Variants in EPB41 observed in about 807,000 individuals in gnomAD.
The protein encoded by EPB41 is erythrocyte membrane protein band 4.1.
A neutral mutation model predicts 108.0 loss-of-function variants in EPB41; 65 were observed. The ratio of observed to expected loss-of-function variants is 0.60; its 90% CI spans 0.49 to 0.74. EPB41 has a LOEUF of 0.74. EPB41 is among the 30% of genes least tolerant of loss of function. The probability of loss-of-function intolerance (pLI) is 0.00; values close to 1 mark genes in which losing one functional copy is unlikely to be tolerated. For missense variants in EPB41, 875 were observed against 1,037.0 expected, an observed-to-expected ratio of 0.84 and a Z score of 2.15; for synonymous variants, 336 against 358.9, an observed-to-expected ratio of 0.94 and a Z score of 0.72.
At chr1:28,915,975 C>T (rs912960087) in intron 1 of EPB41, among the ~76,000 whole-genome samples, 1 of 152,036 alleles carries the variant, frequency 6.6e-6, no homozygotes, top group African/African-American at 2.4e-5. Context: ...GGATATATAG[C>T]CCGTATATGT....
intron 1 of EPB41, among the ~76,000 whole-genome samples, chr1:28,906,381 G>A (rs965418653): frequency 3.9e-5 from 6 of 152,220 alleles, no homozygotes; most frequent in Admixed American, 6.5e-5. Context: ...CAGCTAGTAG[G>A]TGGCACAGAG....
upstream of EPB41, chr1:28,911,098 C>T (rs2092233417): frequency 1.0e-6 from 1 of 985,318 alleles, no homozygotes; most frequent in African/African-American, 1.7e-5. Context: ...GGCAGATGGG[C>T]CCAGGAGTAA....
At chr1:28,947,458 T>A (rs2094530655) in intron 1 of EPB41, among the ~76,000 whole-genome samples, 1 of 151,664 alleles carries the variant, frequency 6.6e-6, no homozygotes, top group Non-Finnish European at 1.5e-5. Context: ...AACGGCCTTT[T>A]AATCTCTTGA....
intron 2 of EPB41, among the ~76,000 whole-genome samples, chr1:28,992,267 A>G (rs1432399052): frequency 1.3e-5 from 2 of 152,212 alleles, no homozygotes; most frequent in African/African-American, 4.8e-5. Flanking sequence ...TCAACCATGC[A>G]TTCTTTTTTT....
At chr1:29,093,611 C>G (rs939712292) in intron 16 of EPB41, among the ~76,000 whole-genome samples, 16 of 152,132 alleles carry the variant, frequency 1.1e-4, no homozygotes, top group Admixed American at 9.2e-4. Flanking sequence ...ATCATAAAAT[C>G]TTTGCCAGTT....
rs1003740297 is a variant in EPB41, at chr1:29,066,181, G to A, written c.2184+1023G>A. On this transcript the variant is annotated intron_variant, in intron 16 of 20. Transcript: ENST00000343067. Reference sequence around the variant, plus strand: ...CACGCCTGTAATCCCAGCACTTTGGGAGGCTGAGGTGGGCGGATCATGAGG... The same window carrying A: ...CACGCCTGTAATCCCAGCACTTTGGAAGGCTGAGGTGGGCGGATCATGAGG... Among the ~76,000 whole-genome samples, 6 of 152,052 alleles carry A rather than the reference G, an allele frequency of 3.9e-5. 1 individual carries two copies. The highest frequency in any genetic ancestry group is 1.4e-4 in the African/African-American group (6 of 41,402).
At chr1:29,058,347 T>G (rs1645910559) in intron 12 of EPB41, among the ~76,000 whole-genome samples, 1 of 152,196 alleles carries the variant, frequency 6.6e-6, no homozygotes, top group Admixed American at 6.5e-5. Flanking sequence ...TACCTTAATT[T>G]TCTTTTTTGA....
At chr1:28,973,921 A>G (rs565663852) in intron 1 of EPB41, among the ~76,000 whole-genome samples, 1 of 152,282 alleles carries the variant, frequency 6.6e-6, no homozygotes, top group Non-Finnish European at 1.5e-5. Context: ...GATGAAAACT[A>G]TGTCTTTGTA....
intron 4 of EPB41, among the ~76,000 whole-genome samples, chr1:29,005,076 T>C (rs939851805): frequency 5.3e-5 from 8 of 152,132 alleles, no homozygotes; most frequent in Non-Finnish European, 1.2e-4. Context: ...TGCACTGCTA[T>C]AAAGAAATAT....
intron 16 of EPB41, chr1:29,069,823 G>C (rs1650443684): frequency 6.6e-6 from 1 of 152,270 alleles, no homozygotes; most frequent in Admixed American, 6.5e-5. Flanking sequence ...ACAGGCATGT[G>C]CCACCACGCC....
At chr1:29,083,622 G>A (rs1657646022) in intron 16 of EPB41, among the ~76,000 whole-genome samples, 1 of 152,060 alleles carries the variant, frequency 6.6e-6, no homozygotes, top group African/African-American at 2.4e-5. Context: ...CCATTTAAAA[G>A]CATTTGTTTT....
At chr1:29,020,212 C>G (rs769485158) in intron 7 of EPB41, among the ~76,000 whole-genome samples, 1 of 151,914 alleles carries the variant, frequency 6.6e-6, no homozygotes, top group African/African-American at 2.4e-5. Context: ...GGATTACAGG[C>G]GCCCACCAAC....
intron 1 of EPB41, among the ~76,000 whole-genome samples, chr1:28,932,744 A>G (rs1015217288): frequency 3.3e-5 from 5 of 152,152 alleles, no homozygotes; most frequent in African/African-American, 4.8e-5. Flanking sequence ...TTAAAAGACC[A>G]TATGCTCTGC....
chr1:28,974,278 C>G (rs539878059), intron 1 of EPB41, among the ~76,000 whole-genome samples: 1 of 152,272 alleles, frequency 6.6e-6, no homozygotes, highest in Non-Finnish European at 1.5e-5. Flanking sequence ...ACTAGAGTAG[C>G]CCCACTACTT....
intron 1 of EPB41, among the ~76,000 whole-genome samples, chr1:28,933,379 T>C (rs1292688473): frequency 2.0e-5 from 3 of 152,242 alleles, no homozygotes; most frequent in Non-Finnish European, 4.4e-5. Context: ...AGGTAACTTA[T>C]CTAAGGTCAT....
At chr1:28,903,933 C>T (rs1221565267) in intron 1 of EPB41, among the ~76,000 whole-genome samples, 2 of 151,870 alleles carry the variant, frequency 1.3e-5, no homozygotes, top group Admixed American at 6.6e-5. Context: ...GTGGTGTGAT[C>T]TTGGCTCACT....
intron 1 of EPB41, among the ~76,000 whole-genome samples, chr1:28,960,933 C>T (rs1057337859): frequency 6.6e-6 from 1 of 150,986 alleles, no homozygotes; most frequent in East Asian, 1.9e-4. Flanking sequence ...ACTCGGGAGC[C>T]TGAGGCAGGA....
chr1:29,018,273 C>T lies in EPB41; in HGVS notation c.955C>T (p.Pro319Ser). Residue 319 changes from proline to serine, a missense_variant, in exon 7 of 21, where the codon CCC (proline) becomes TCC (serine). Coordinates refer to ENST00000343067, the MANE Select transcript of EPB41 (RefSeq NM_001376013.1). This position sits in a 1 kb window ranked among gnomAD's most constrained non-coding sequence, Gnocchi z 4.4. The part of the protein sequence containing the change: ...LRQDIVAGRL[P>S]CSFATLALLG... ...GCAGGACATAGTTGCAGGACGTCTG[C>T]CCTGTTCCTTTGCAACCTTAGCATT... 2 of 1,614,124 alleles carry T rather than the reference C, an allele frequency of 1.2e-6. No individual in the cohort carries two copies. Among genetic ancestry groups the T allele is most frequent in the South Asian group, 2.2e-5 (2 of 91,078 alleles).
chr1:29,047,891 C>T (rs1643783126), intron 11 of EPB41, among the ~76,000 whole-genome samples: 1 of 151,980 alleles, frequency 6.6e-6, no homozygotes, highest in Non-Finnish European at 1.5e-5. Context: ...TCAAGCGATT[C>T]TCCCGCCTCA....
Sources: allele counts gnomAD v4.1 joint callset (sites outside exome capture counted in the v4.1 genomes callset), GRCh38; gene constraint gnomAD v4.1.1; non-coding constraint Gnocchi (gnomAD v3.1); transcripts MANE v1.5; gene names NCBI Gene and HGNC (gene_info 2026-07-23, HGNC 2026-07-21).